Variants in ATP2C1 observed in about 807,000 individuals in gnomAD.
ATP2C1 encodes calcium-transporting ATPase type 2C member 1.
ATP2C1 carries 31 observed loss-of-function variants against 120.5 expected under a neutral mutation model. That is an observed-to-expected ratio of 0.26 (90% CI 0.19 to 0.35). The LOEUF is 0.35. ATP2C1 is among the 10% of genes least tolerant of loss of function. The probability of loss-of-function intolerance (pLI) is 1.00; values close to 1 mark genes in which losing one functional copy is unlikely to be tolerated. For synonymous variants in ATP2C1, 351 were observed against 358.7 expected, an observed-to-expected ratio of 0.98 and a Z score of 0.24; for missense variants, 731 against 1,107.5, an observed-to-expected ratio of 0.66 and a Z score of 4.83.
chr3:131,004,146 C>G (rs939976529), downstream of ATP2C1, among the ~76,000 whole-genome samples: 4 of 152,330 alleles, frequency 2.6e-5, no homozygotes, highest in African/African-American at 9.6e-5. Context: ...TGCCCATTTA[C>G]TTTAAAAATA....
intron 17 of ATP2C1, among the ~76,000 whole-genome samples, chr3:130,972,486 T>TA (rs2061362211): frequency 6.6e-6 from 1 of 150,378 alleles, no homozygotes; most frequent in Non-Finnish European, 1.5e-5. Flanking sequence ...TTTTTTTTTT[T>TA]ATATACTTTA....
At chr3:130,960,862 A>G (rs1183487559) in intron 12 of ATP2C1, among the ~76,000 whole-genome samples, 3 of 152,152 alleles carry the variant, frequency 2.0e-5, no homozygotes, top group Non-Finnish European at 4.4e-5. Flanking sequence ...CAAGGGTGAA[A>G]GAAAGGAAGA....
At chr3:130,966,289 G>C (rs1264484979) in intron 14 of ATP2C1, among the ~76,000 whole-genome samples, 2 of 152,056 alleles carry the variant, frequency 1.3e-5, no homozygotes, top group Non-Finnish European at 2.9e-5. Flanking sequence ...GGGTCATTGG[G>C]ATTACATGTG....
At chr3:130,929,357 TTA>T (rs2059357760) in intron 2 of ATP2C1, among the ~76,000 whole-genome samples, 1 of 152,172 alleles carries the variant, frequency 6.6e-6, no homozygotes, top group Non-Finnish European at 1.5e-5. Context: ...CAAAAAGCCT[TTA>T]TGTGTGCAGG....
chr3:130,999,615 C>T lies in ATP2C1; in HGVS notation c.2585C>T (p.Pro862Leu), dbSNP rs2108949258. ...IMGQLLVIYF[P>L]PLQKVFQTES... Reference sequence around the variant, plus strand: ...GGACAATTACTAGTTATTTACTTTCCTCCGCTTCAGAAGGTTTTTCAGACT... The same window carrying T: ...GGACAATTACTAGTTATTTACTTTCTTCCGCTTCAGAAGGTTTTTCAGACT... Residue 862 changes from proline to leucine, a missense_variant, in exon 27 of 28, where the codon CCT (proline) becomes CTT (leucine). Physicochemically the swap from Pro to Leu is moderately conservative, Grantham distance 98. Around this residue, in one of 3 missense-constraint regions of ATP2C1, gnomAD observed 141 missense variants for 201.6 expected, o/e 0.70. Transcript: ENST00000510168. The T allele has an allele frequency of 6.2e-7, 1 of 1,613,482 alleles. No homozygotes were observed. Among genetic ancestry groups the T allele is most frequent in the Non-Finnish European group, 8.5e-7 (1 of 1,179,600 alleles).
intron 18 of ATP2C1, among the ~76,000 whole-genome samples, chr3:130,976,892 A>G (rs917750501): frequency 1.3e-5 from 2 of 152,186 alleles, no homozygotes; most frequent in Admixed American, 6.6e-5. Context: ...CACTCTGGAT[A>G]ATTGAGCACA....
At chr3:130,871,631 G>C (rs766316072) in intron 1 of ATP2C1, among the ~76,000 whole-genome samples, 3 of 152,238 alleles carry the variant, frequency 2.0e-5, no homozygotes, top group Non-Finnish European at 2.9e-5. Flanking sequence ...CATTGTCAAA[G>C]CCAGAGGGAT....
chr3:130,874,235 A>G (rs751957246), intron 1 of ATP2C1, among the ~76,000 whole-genome samples: 2 of 152,224 alleles, frequency 1.3e-5, no homozygotes, highest in Non-Finnish European at 2.9e-5. Flanking sequence ...AGTCAGTTAT[A>G]TAATTTTAAA....
chr3:130,951,327 C>T (rs73869008), intron 8 of ATP2C1, among the ~76,000 whole-genome samples: 1,845 of 152,244 alleles, frequency 0.012, 41 homozygotes, highest in African/African-American at 0.041. Flanking sequence ...TGTTGTACCT[C>T]TATAACGTTG....
At chr3:130,976,905 G>A (rs1282344454) in intron 18 of ATP2C1, among the ~76,000 whole-genome samples, 1 of 152,110 alleles carries the variant, frequency 6.6e-6, no homozygotes, top group Non-Finnish European at 1.5e-5. Context: ...TGAGCACAGG[G>A]GGTGCCCTCG....
intron 1 of ATP2C1, among the ~76,000 whole-genome samples, chr3:130,851,081 A>C (rs143574865): frequency 5.1e-4 from 77 of 152,354 alleles, no homozygotes; most frequent in African/African-American, 1.6e-3. Flanking sequence ...ATCAGAAAGC[A>C]AGCAGGCTTG....
At chr3:130,949,984 A>G (rs2060303001) in intron 8 of ATP2C1, among the ~76,000 whole-genome samples, 1 of 152,140 alleles carries the variant, frequency 6.6e-6, no homozygotes, top group Admixed American at 6.6e-5. Context: ...TTGCCTTATC[A>G]GTGTACCGTA....
intron 8 of ATP2C1, among the ~76,000 whole-genome samples, chr3:130,943,628 T>C (rs1170302458): frequency 6.6e-6 from 1 of 152,252 alleles, no homozygotes; most frequent in Non-Finnish European, 1.5e-5. Flanking sequence ...CAGCACGTTT[T>C]ATTCTGCAGT....
At chr3:130,924,702 G>T (rs1745670) in intron 2 of ATP2C1, among the ~76,000 whole-genome samples, 1 of 152,116 alleles carries the variant, frequency 6.6e-6, no homozygotes, top group East Asian at 1.9e-4. Flanking sequence ...TCAGGAACAC[G>T]AATTATTTTT....
At chr3:130,987,005 T>TCA (rs2062051850) in intron 20 of ATP2C1, among the ~76,000 whole-genome samples, 1 of 151,632 alleles carries the variant, frequency 6.6e-6, no homozygotes, top group African/African-American at 2.4e-5. Flanking sequence ...AGTGGCATGA[T>TCA]CATAGCTCAC....
chr3:130,962,169 GGC>G (rs2060849684), intron 12 of ATP2C1, among the ~76,000 whole-genome samples: 2 of 152,084 alleles, frequency 1.3e-5, no homozygotes, highest in South Asian at 4.2e-4. Flanking sequence ...AAATGCTGAA[GGC>G]TGGTATGAAT....
At chr3:130,963,527 A>T (rs2060919426) in intron 12 of ATP2C1, 1 of 198,456 alleles carries the variant, frequency 5.0e-6, no homozygotes, top group Non-Finnish European at 1.0e-5. Context: ...CATTGCATGG[A>T]TGTCACAATT....
intron 1 of ATP2C1, among the ~76,000 whole-genome samples, chr3:130,878,500 G>A (rs779953935): frequency 8.5e-5 from 13 of 152,116 alleles, no homozygotes; most frequent in Non-Finnish European, 1.5e-4. Flanking sequence ...ACACTATTGT[G>A]TGTTTTCTTG....
Position 130,979,648 on chromosome 3 carries a change from A to G in ATP2C1, c.1741+229A>G, listed in dbSNP as rs533492010. 7.7e-4 allele frequency among the ~76,000 whole-genome samples: 108 copies of G among 140,290 alleles called. 1 individual carries two copies. Among genetic ancestry groups the G allele is most frequent in the Middle Eastern group, 3.5e-3 (1 of 282 alleles). The allele number at this position is 140,290 out of a possible 152,430, so 92.0% of individuals were successfully genotyped here. A position where few individuals can be genotyped will look rare whatever the true frequency, so the allele number is the denominator to read the frequency against. On this transcript the variant is annotated intron_variant, in intron 19 of 27. Transcript: ENST00000510168. ...TAAATCATGAAATCACATGCATTTT[A>G]TTCACAGAAGGGTAATTATTTTTAA...
Sources: allele counts gnomAD v4.1 joint callset (sites outside exome capture counted in the v4.1 genomes callset), GRCh38; gene constraint gnomAD v4.1.1; regional missense constraint gnomAD v4.1.1; transcripts MANE v1.5; gene names NCBI Gene and HGNC (gene_info 2026-07-23, HGNC 2026-07-21).